The following SNTG1 variants were observed in gnomAD, a reference collection of about 807,000 sequenced individuals.
SNTG1 encodes the protein syntrophin gamma 1.
A neutral mutation model predicts 74.7 loss-of-function variants in SNTG1; 39 were observed. The observed-to-expected ratio is 0.52, with a 90% CI of 0.40 to 0.68. SNTG1 has a LOEUF of 0.68. Among genes scored for constraint, SNTG1 ranks in the 30% least tolerant of loss-of-function variants. The pLI is 0.00. For missense variants in SNTG1, 685 were observed against 609.5 expected, an observed-to-expected ratio of 1.12 and a Z score of -1.30; for synonymous variants, 254 against 217.1, an observed-to-expected ratio of 1.17 and a Z score of -1.49.
intron 11 of SNTG1, among the ~76,000 whole-genome samples, chr8:50,548,123 T>A (rs571042933): frequency 1.4e-4 from 22 of 152,340 alleles, no homozygotes; most frequent in South Asian, 6.2e-4. Context: ...TTATTACTTT[T>A]GCCAGGGAAT....
At chr8:50,509,074 A>G (rs577404214) in intron 9 of SNTG1, among the ~76,000 whole-genome samples, 1 of 152,200 alleles carries the variant, frequency 6.6e-6, no homozygotes, top group Non-Finnish European at 1.5e-5. Context: ...TAAGTCTTTA[A>G]TCTACCTTGA....
chr8:50,620,124 G>A lies in SNTG1; in HGVS notation c.849+29207G>A, dbSNP rs183857800. On this transcript the variant is annotated intron_variant, in intron 13 of 18. Coordinates refer to ENST00000642720, the MANE Select transcript of SNTG1 (RefSeq NM_018967.5). ...GGAGACTTGTTTCCTAGCTTCCTAT[G>A]ACTGGCATCCTGCTGTTCTTGTGGT... 1.6e-4 allele frequency among the ~76,000 whole-genome samples: 24 copies of A among 152,204 alleles called. No homozygotes were observed. In the East Asian group the frequency reaches 4.5e-3, roughly 28 times the overall value.
At chr8:50,495,036 T>C (rs1374165724) in intron 8 of SNTG1, among the ~76,000 whole-genome samples, 5 of 152,104 alleles carry the variant, frequency 3.3e-5, no homozygotes, top group Non-Finnish European at 7.4e-5. Flanking sequence ...AATCAAACAT[T>C]ATTGCATAAT....
At chr8:50,588,001 T>G (rs2094664420) in intron 12 of SNTG1, among the ~76,000 whole-genome samples, 1 of 151,330 alleles carries the variant, frequency 6.6e-6, no homozygotes, top group Non-Finnish European at 1.5e-5. Context: ...GCACCTATAG[T>G]CCCAGCTACT....
chr8:50,374,895 A>T (rs1349545613), intron 2 of SNTG1, among the ~76,000 whole-genome samples: 1 of 152,226 alleles, frequency 6.6e-6, no homozygotes, highest in African/African-American at 2.4e-5. Flanking sequence ...TCACATAAAT[A>T]AAAATGTTTT....
rs2092323373 is a variant in SNTG1, at chr8:50,373,940, C to G, written c.-27-20272C>G. Among the ~76,000 whole-genome samples the G allele has an allele frequency of 2.0e-5, 3 of 152,250 alleles. No individual in the cohort carries two copies. In the South Asian group the frequency reaches 6.2e-4, roughly 32 times the overall value. On this transcript the variant is annotated intron_variant, in intron 2 of 18. Coordinates refer to ENST00000642720, the MANE Select transcript of SNTG1 (RefSeq NM_018967.5). The stretch of plus-strand genomic sequence containing the variant: ...CTCGTTCCTGGGCCATTACAGGAAT[C>G]ATCTCACTCCTCTTACAGATTCTAG...
intron 18 of SNTG1, among the ~76,000 whole-genome samples, chr8:50,786,767 G>T (rs2095676566): frequency 6.6e-6 from 1 of 151,960 alleles, no homozygotes; most frequent in Non-Finnish European, 1.5e-5. Flanking sequence ...AACAAATAGT[G>T]CTGGGAAAAC....
At chr8:50,112,963 G>A (rs946230150) in intron 1 of SNTG1, among the ~76,000 whole-genome samples, 5 of 151,904 alleles carry the variant, frequency 3.3e-5, no homozygotes, top group East Asian at 1.9e-4. Flanking sequence ...TCTCTGTTTC[G>A]GTACCAGTAC....
rs955120210 is a variant in SNTG1 at position 50,676,849 on chromosome 8, G to A, written c.1038+18186G>A. ...TTTTTAAAGATATTTCTAAAACAAT[G>A]CAAGATTATTATTTAGGTCAAATAA... On this transcript the variant is annotated intron_variant, in intron 15 of 18. Coordinates refer to ENST00000642720, the MANE Select transcript of SNTG1 (RefSeq NM_018967.5). Among the ~76,000 whole-genome samples the A allele has an allele frequency of 2.0e-5, 3 of 151,886 alleles. No homozygotes were observed. In the East Asian group the frequency reaches 5.8e-4, roughly 29 times the overall value.
chr8:50,472,426 CAT>C (rs1288758841), intron 8 of SNTG1, among the ~76,000 whole-genome samples: 1 of 152,088 alleles, frequency 6.6e-6, no homozygotes, highest in African/African-American at 2.4e-5. Context: ...AATTAGGAAA[CAT>C]AGTCTTTTCA....
At chr8:50,501,499 G>A (rs1313920590) in intron 8 of SNTG1, among the ~76,000 whole-genome samples, 2 of 140,520 alleles carry the variant, frequency 1.4e-5, no homozygotes, top group African/African-American at 5.5e-5. Context: ...GCAGAGGTGC[G>A]GTCTCAGCTC....
intron 8 of SNTG1, chr8:50,457,107 G>C (rs2093513766): frequency 6.6e-6 from 1 of 152,188 alleles, no homozygotes; most frequent in African/African-American, 2.4e-5. Context: ...ACTTTCCACT[G>C]TTTGATGTTG....
At chr8:50,247,355 T>C (rs1450970386) in intron 2 of SNTG1, among the ~76,000 whole-genome samples, 1 of 152,118 alleles carries the variant, frequency 6.6e-6, no homozygotes, top group African/African-American at 2.4e-5. Context: ...TTGTTCTTGC[T>C]TCAGATTTAG....
At chr8:50,137,664 G>A (rs773966586) in intron 1 of SNTG1, among the ~76,000 whole-genome samples, 7 of 152,152 alleles carry the variant, frequency 4.6e-5, no homozygotes, top group Admixed American at 6.6e-5. Context: ...CCATTCTAAG[G>A]TCAGACCTGG....
chr8:50,480,950 A>G (rs1379065645), intron 8 of SNTG1, among the ~76,000 whole-genome samples: 2 of 152,218 alleles, frequency 1.3e-5, no homozygotes, highest in East Asian at 3.9e-4. Context: ...ACAAGCATTG[A>G]ATATTCAGTG....
intron 15 of SNTG1, among the ~76,000 whole-genome samples, chr8:50,683,313 A>T (rs190448860): frequency 2.4e-4 from 37 of 152,332 alleles, no homozygotes; most frequent in Admixed American, 2.2e-3. Context: ...GAAAGAAATA[A>T]CTATAGGCAT....
intron 3 of SNTG1, among the ~76,000 whole-genome samples, chr8:50,395,135 CCTT>C (rs1209940207): frequency 6.6e-6 from 1 of 151,914 alleles, no homozygotes; most frequent in African/African-American, 2.4e-5. Flanking sequence ...GAAAGTAACT[CCTT>C]ATTTTCTTCT....
chr8:50,141,941 C>A (rs1468270385), intron 1 of SNTG1, among the ~76,000 whole-genome samples: 1 of 151,996 alleles, frequency 6.6e-6, no homozygotes, highest in Non-Finnish European at 1.5e-5. Context: ...TTTACAATGG[C>A]ATATAACTAT....
chr8:50,020,819 C>A (rs1816752406), intron 1 of SNTG1, among the ~76,000 whole-genome samples: 1 of 151,978 alleles, frequency 6.6e-6, no homozygotes, highest in South Asian at 2.1e-4. Flanking sequence ...TTATGTAGGA[C>A]AAAAAGGCAT....
Sources: allele counts gnomAD v4.1 joint callset (sites outside exome capture counted in the v4.1 genomes callset), GRCh38; gene constraint gnomAD v4.1.1; transcripts MANE v1.5; gene names NCBI Gene and HGNC (gene_info 2026-07-23, HGNC 2026-07-21).